CCDC73: variants seen among roughly 807,000 people sequenced by gnomAD.
CCDC73 encodes the protein coiled-coil domain containing 73, also known as coiled-coil domain-containing protein 73.
In CCDC73, 95 loss-of-function variants were observed where a neutral mutation model predicts 116.5. The ratio of observed to expected loss-of-function variants is 0.82; its 90% CI spans 0.69 to 0.97. CCDC73 has a LOEUF of 0.97. CCDC73 is among the 50% of genes least tolerant of loss of function. CCDC73 has a pLI of 0.00. For synonymous variants in CCDC73, 398 were observed against 401.3 expected (o/e 0.99, Z 0.10); for missense variants, 1,066 against 1,206.8 (o/e 0.88, Z 1.73).
intron 1 of CCDC73, among the ~76,000 whole-genome samples, chr11:32,775,942 TCTCAA>T (rs1041459606): frequency 2.6e-5 from 4 of 152,214 alleles, no homozygotes; most frequent in Non-Finnish European, 4.4e-5. Flanking sequence ...TTTTCTTCTC[TCTCAA>T]ATCTTTTTAA....
chr11:32,613,587 A>C lies in CCDC73; in HGVS notation c.2731T>G (p.Ser911Ala). 1 of 1,614,098 alleles carries C rather than the reference A, an allele frequency of 6.2e-7. No individual in the cohort carries two copies. ...YMNFSDPGPW[S>A]KVNHIESQTA... ...TGACTTTCAATGTGATTTACTTTTGACCAAGGACCGGGGTCTGAAAAATTC... is the reference window on the plus strand; with the variant it reads ...TGACTTTCAATGTGATTTACTTTTGCCCAAGGACCGGGGTCTGAAAAATTC... Residue 911 changes from serine to alanine, a missense_variant, in exon 16 of 18, where the codon TCA becomes GCA. Physicochemically the swap from Ser to Ala is moderately conservative, Grantham distance 99. Transcript: ENST00000335185.
At chr11:32,662,542 T>C (rs1215412806) in intron 9 of CCDC73, among the ~76,000 whole-genome samples, 1 of 151,852 alleles carries the variant, frequency 6.6e-6, no homozygotes, top group Non-Finnish European at 1.5e-5. Flanking sequence ...GTTTTTTTTT[T>C]CTTCTTGTAA....
At chr11:32,642,774 T>C (rs975639541) in intron 12 of CCDC73, among the ~76,000 whole-genome samples, 19 of 151,854 alleles carry the variant, frequency 1.3e-4, no homozygotes, top group Non-Finnish European at 1.8e-4. Context: ...GTGATAGAAC[T>C]CCTACCTACA....
chr11:32,759,294 A>G (rs1360077526), intron 2 of CCDC73, among the ~76,000 whole-genome samples: 1 of 150,618 alleles, frequency 6.6e-6, no homozygotes, highest in African/African-American at 2.4e-5. Context: ...GATTTGCACA[A>G]TATAGATAGC....
intron 1 of CCDC73, among the ~76,000 whole-genome samples, chr11:32,770,888 G>A (rs1434666794): frequency 2.6e-5 from 4 of 152,128 alleles, no homozygotes; most frequent in Non-Finnish European, 2.9e-5. Context: ...AAATAAAATC[G>A]TTTAACATCC....
intron 1 of CCDC73, among the ~76,000 whole-genome samples, chr11:32,780,286 T>TA (rs1258276308): frequency 1.3e-5 from 2 of 151,040 alleles, no homozygotes; most frequent in East Asian, 1.9e-4. Flanking sequence ...AAAATAATAA[T>TA]AATAAATAAA....
chr11:32,620,629 A>G (rs1855515195), intron 14 of CCDC73, among the ~76,000 whole-genome samples: 1 of 151,106 alleles, frequency 6.6e-6, no homozygotes, highest in Non-Finnish European at 1.5e-5. Flanking sequence ...AAAAAAAAAA[A>G]AAAAGAAGTG....
intron 1 of CCDC73, among the ~76,000 whole-genome samples, chr11:32,766,251 T>C (rs1279493649): frequency 6.6e-6 from 1 of 152,162 alleles, no homozygotes; most frequent in Admixed American, 6.5e-5. Context: ...GTGACAAAAT[T>C]CAACAGCCCT....
At chr11:32,627,534 G>A (rs990057372) in intron 14 of CCDC73, among the ~76,000 whole-genome samples, 1 of 152,112 alleles carries the variant, frequency 6.6e-6, no homozygotes, top group East Asian at 1.9e-4. Flanking sequence ...TGTTTATTGC[G>A]ACACTATTTA....
At chr11:32,648,797 C>G (rs779270568) in intron 12 of CCDC73, among the ~76,000 whole-genome samples, 7 of 152,198 alleles carry the variant, frequency 4.6e-5, no homozygotes, top group Non-Finnish European at 1.0e-4. Flanking sequence ...GTGATCCACC[C>G]ACCTCGGCCT....
chr11:32,606,016 A>T (rs950282558), intron 17 of CCDC73: 6 of 151,568 alleles, frequency 4.0e-5, no homozygotes, highest in Admixed American at 2.0e-4. Context: ...TGGATATATA[A>T]AAAAAAAAGT....
At chr11:32,698,330 G>T (rs573928857) in intron 6 of CCDC73, among the ~76,000 whole-genome samples, 1 of 152,188 alleles carries the variant, frequency 6.6e-6, no homozygotes, top group South Asian at 2.1e-4. Flanking sequence ...AGCCAACACT[G>T]AAGTTTTTTT....
Position 32,615,953 on chromosome 11 carries a change from T to C in CCDC73, c.1362A>G (p.Glu454=). The C allele has an allele frequency of 6.4e-7, 1 of 1,560,132 alleles. No individual in the cohort carries two copies. Among genetic ancestry groups the C allele is most frequent in the Non-Finnish European group, 8.7e-7 (1 of 1,143,020 alleles). The change falls in exon 15 of 18, where the codon GAA becomes GAG. Residue 454 remains glutamate, a synonymous_variant. Coordinates refer to ENST00000335185, the MANE Select transcript of CCDC73 (RefSeq NM_001008391.4). ...TTTTAAGGTTACCATCTATAATTAT[T>C]TCCTCTATAAATGAGCCTTCTTTTT... ...EEKKEGSFIE[E]IIIDDLQLFE...
At chr11:32,822,102 A>G in the CCDC73 span, among the ~76,000 whole-genome samples, 7 of 152,184 alleles carry the variant, frequency 4.6e-5, no homozygotes, top group Non-Finnish European at 1.0e-4. Flanking sequence ...GGAATAACAC[A>G]TACGTCATTT....
chr11:32,658,580 T>C lies in CCDC73; in HGVS notation c.646-3608A>G, dbSNP rs183996630. Among the ~76,000 whole-genome samples the C allele has an allele frequency of 2.8e-3, 419 of 152,346 alleles. 2 individuals are homozygous for C. The highest frequency in any genetic ancestry group is 4.2e-3 in the Non-Finnish European group (289 of 68,026). On this transcript the variant is annotated intron_variant, in intron 9 of 17. Coordinates refer to ENST00000335185, the MANE Select transcript of CCDC73 (RefSeq NM_001008391.4). ...GCAAAGGAGAATTATTTATCATTTCTTCTACATATACCAAGTACCTCCTGT... is the reference window on the plus strand; with the variant it reads ...GCAAAGGAGAATTATTTATCATTTCCTCTACATATACCAAGTACCTCCTGT...
intron 6 of CCDC73, among the ~76,000 whole-genome samples, chr11:32,684,200 T>G (rs1856173459): frequency 6.6e-6 from 1 of 152,034 alleles, no homozygotes. Context: ...TATAGGAACA[T>G]GCCACCACAC....
At chr11:32,660,229 C>CAAAAAA (rs11310092) in intron 9 of CCDC73, among the ~76,000 whole-genome samples, 7 of 66,506 alleles carry the variant, frequency 1.1e-4, no homozygotes, top group African/African-American at 4.1e-4. Flanking sequence ...TTCTCTCTAC[C>CAAAAAA]AAAAAAAAAA....
chr11:32,638,270 C>A (rs977452797), intron 13 of CCDC73, among the ~76,000 whole-genome samples: 6 of 152,200 alleles, frequency 3.9e-5, no homozygotes, highest in African/African-American at 1.4e-4. Context: ...TTTTCTAAAA[C>A]ACAATCTGCC....
At chr11:32,618,676 C>T (rs1483676900) in intron 14 of CCDC73, among the ~76,000 whole-genome samples, 2 of 152,150 alleles carry the variant, frequency 1.3e-5, no homozygotes, top group Non-Finnish European at 1.5e-5. Context: ...CCTCAGCCTC[C>T]CAAGCAGTTG....
Sources: gnomAD v4.1 joint callset for allele counts (sites outside exome capture counted in the v4.1 genomes callset) on GRCh38, gnomAD v4.1.1 for gene constraint, MANE v1.5 for transcripts, NCBI Gene and HGNC (gene_info 2026-07-23, HGNC 2026-07-21) for gene names.